TMEM163: variants seen among roughly 807,000 people sequenced by gnomAD.
TMEM163 encodes transmembrane protein 163.
In TMEM163, 17 loss-of-function variants were observed where a neutral mutation model predicts 29.3. The ratio of observed to expected loss-of-function variants is 0.58; its 90% confidence interval spans 0.40 to 0.87. The LOEUF is 0.87. TMEM163 is among the 40% of genes least tolerant of loss of function. The pLI is 0.00. For synonymous variants in TMEM163, 157 were observed against 160.6 expected (o/e 0.98, Z 0.17); for missense variants, 303 against 381.5 (o/e 0.79, Z 1.71).
intron 2 of TMEM163, among the ~76,000 whole-genome samples, chr2:134,623,613 T>C (rs1286806691): frequency 6.6e-6 from 1 of 151,904 alleles, no homozygotes; most frequent in Non-Finnish European, 1.5e-5. Context: ...ATTAAAAACA[T>C]GAAATTAGCC....
At chr2:134,479,136 C>T (rs889450496) in intron 5 of TMEM163, among the ~76,000 whole-genome samples, 3 of 152,188 alleles carry the variant, frequency 2.0e-5, no homozygotes, top group African/African-American at 7.2e-5. Flanking sequence ...ACCTCCAGAA[C>T]CATGAAAGAT....
chr2:134,610,628 T>C (rs868782854), intron 2 of TMEM163, among the ~76,000 whole-genome samples: 3 of 152,182 alleles, frequency 2.0e-5, no homozygotes, highest in African/African-American at 7.2e-5. Context: ...CCTCCAGGAA[T>C]GCACACGGGA....
chr2:134,490,219 CG>C (rs1359773122), intron 5 of TMEM163, among the ~76,000 whole-genome samples: 1 of 151,960 alleles, frequency 6.6e-6, no homozygotes, highest in Non-Finnish European at 1.5e-5. Context: ...AAAATGGGGT[CG>C]GGGGCAGGGT....
rs541416156 is a variant in TMEM163, at chr2:134,572,310, A to G, written c.323-20219T>C. On this transcript the variant is annotated intron_variant, in intron 2 of 7. Coordinates refer to ENST00000281924, the MANE Select transcript of TMEM163 (RefSeq NM_030923.5). ...ACTTCAGAGCAGAGACTGCAAATTG[A>G]TGTGAAAATAGCTCTGTTCTCAGTC... Among the ~76,000 whole-genome samples, 21 of 152,300 alleles carry G rather than the reference A, an allele frequency of 1.4e-4. No homozygotes were observed. The East Asian group carries it at 3.3e-3, about 24-fold the overall frequency.
intron 2 of TMEM163, among the ~76,000 whole-genome samples, chr2:134,626,285 AG>A (rs1682849531): frequency 1.3e-5 from 2 of 151,760 alleles, no homozygotes; most frequent in South Asian, 4.2e-4. Flanking sequence ...TTGTATTTTT[AG>A]TAGAGACAGG....
intron 2 of TMEM163, among the ~76,000 whole-genome samples, chr2:134,637,803 C>T (rs1683137512): frequency 6.6e-6 from 1 of 152,138 alleles, no homozygotes; most frequent in Non-Finnish European, 1.5e-5. Flanking sequence ...ACATTTATTT[C>T]AATGTTAAAT....
chr2:134,574,677 G>A (rs963072775), intron 2 of TMEM163, among the ~76,000 whole-genome samples: 1 of 152,182 alleles, frequency 6.6e-6, no homozygotes, highest in African/African-American at 2.4e-5. Flanking sequence ...CCAAGAAAAC[G>A]TCCACCTGGA....
chr2:134,524,355 C>T (rs1680248600), intron 4 of TMEM163, among the ~76,000 whole-genome samples: 1 of 150,894 alleles, frequency 6.6e-6, no homozygotes, highest in Non-Finnish European at 1.5e-5. Flanking sequence ...ACATTTAATG[C>T]TGTAATTGAG....
intron 1 of TMEM163, among the ~76,000 whole-genome samples, chr2:134,714,014 G>A (rs886071487): frequency 6.6e-6 from 1 of 152,156 alleles, no homozygotes; most frequent in African/African-American, 2.4e-5. Context: ...AAAACTAGAG[G>A]TAGCTTCCCA....
At chr2:134,658,637 G>A (rs550441269) in intron 2 of TMEM163, among the ~76,000 whole-genome samples, 8 of 151,814 alleles carry the variant, frequency 5.3e-5, no homozygotes, top group African/African-American at 7.2e-5. Flanking sequence ...TCACTCTGTC[G>A]CCCAGGCTGG....
chr2:134,591,835 T>C (rs903966885), intron 2 of TMEM163, among the ~76,000 whole-genome samples: 6 of 151,878 alleles, frequency 4.0e-5, no homozygotes, highest in Non-Finnish European at 7.4e-5. Flanking sequence ...CACAATCTTA[T>C]GTTTTCCTGT....
rs956006980 is a variant in TMEM163 at position 134,466,039 on chromosome 2, T to C, written c.667+75A>G. 4.5e-6 allele frequency: 5 copies of C among 1,102,132 alleles called. No individual in the cohort carries two copies. In the African/African-American group the frequency reaches 7.8e-5, roughly 17 times the overall value. The allele number at this position is 1,102,132 out of a possible 1,614,324, so 68.3% of individuals were successfully genotyped here. A position where few individuals can be genotyped will look rare whatever the true frequency, so the allele number is the denominator to read the frequency against. The stretch of plus-strand genomic sequence containing the variant: ...TGAGTTCTCCAGCAAGGGAAACAAC[T>C]AAAAGAGACCCAAACAGCATCTTCC... On this transcript the variant is annotated intron_variant, in intron 6 of 7. Transcript: ENST00000281924.
At chr2:134,457,002 CCTT>C (rs1237515755) in intron 7 of TMEM163, among the ~76,000 whole-genome samples, 2 of 152,148 alleles carry the variant, frequency 1.3e-5, no homozygotes, top group Non-Finnish European at 2.9e-5. Flanking sequence ...GAAGTACCCT[CCTT>C]CTGGCCTCTA....
intron 4 of TMEM163, among the ~76,000 whole-genome samples, chr2:134,526,303 C>A (rs1680299522): frequency 6.6e-6 from 1 of 152,202 alleles, no homozygotes; most frequent in Non-Finnish European, 1.5e-5. Flanking sequence ...TCTTATACAA[C>A]CACCCAAGGT....
chr2:134,604,284 GA>G (rs1487137338), intron 2 of TMEM163, among the ~76,000 whole-genome samples: 2 of 152,124 alleles, frequency 1.3e-5, no homozygotes, highest in African/African-American at 4.8e-5. Context: ...CTGTGAGGGG[GA>G]CGGACTAAAT....
At chr2:134,503,608 A>G (rs1157307029) in intron 4 of TMEM163, among the ~76,000 whole-genome samples, 2 of 152,208 alleles carry the variant, frequency 1.3e-5, no homozygotes, top group Non-Finnish European at 2.9e-5. Context: ...CCCAATGATG[A>G]AAAGGAGAAA....
chr2:134,661,920 A>ATTTTTTT (rs1683759735), intron 2 of TMEM163, among the ~76,000 whole-genome samples: 1 of 110,090 alleles, frequency 9.1e-6, no homozygotes, highest in Admixed American at 8.8e-5. Context: ...GGATTCATTA[A>ATTTTTTT]TTTTCTTTCT....
At chr2:134,692,455 C>T (rs1004316003) in intron 2 of TMEM163, among the ~76,000 whole-genome samples, 5 of 152,162 alleles carry the variant, frequency 3.3e-5, no homozygotes, top group Non-Finnish European at 7.3e-5. Flanking sequence ...GCCGTTTCCC[C>T]TCCTTAGTCT....
At chr2:134,598,194 T>G (rs1028157695) in intron 2 of TMEM163, among the ~76,000 whole-genome samples, 4 of 152,200 alleles carry the variant, frequency 2.6e-5, no homozygotes, top group African/African-American at 9.7e-5. Context: ...ATCCCCTGTG[T>G]AAAATGCCCT....
Sources: gnomAD v4.1 joint callset for allele counts (sites outside exome capture counted in the v4.1 genomes callset) on GRCh38, gnomAD v4.1.1 for gene constraint, MANE v1.5 for transcripts, NCBI Gene and HGNC (gene_info 2026-07-23, HGNC 2026-07-21) for gene names.